Variants in CRYBG3 observed in about 807,000 individuals in gnomAD.
CRYBG3 encodes crystallin beta-gamma domain containing 3.
In CRYBG3, 127 loss-of-function variants were observed where a neutral mutation model predicts 244.2. That is an observed-to-expected ratio of 0.52 (90% CI 0.45 to 0.60). CRYBG3 has a LOEUF of 0.60. Ranked by LOEUF, CRYBG3 falls within the 20% of genes least tolerant of loss-of-function variation. CRYBG3 has a pLI of 0.00. For synonymous variants in CRYBG3, 1,132 were observed against 1,195.8 expected (o/e 0.95, Z 1.10); for missense variants, 3,325 against 3,442.5 (o/e 0.97, Z 0.85).
At chr3:97,828,553 G>T (rs1346187135) in intron 1 of CRYBG3, among the ~76,000 whole-genome samples, 1 of 149,886 alleles carries the variant, frequency 6.7e-6, no homozygotes, top group Non-Finnish European at 1.5e-5. Flanking sequence ...AAAGCCGGGC[G>T]TGGTGGCTCA....
chr3:97,872,844 T>C lies in CRYBG3; in HGVS notation c.1650T>C (p.Asp550=), dbSNP rs750946925. Residue 550 remains aspartate, a synonymous_variant, in exon 4 of 22, where the codon GAT becomes GAC. Transcript: ENST00000389622. ...IASSHVKAPE[D]KIESLPKDTD... ...CAAGTCATGTAAAAGCTCCAGAAGA[T>C]AAAATTGAGTCATTACCCAAAGATA... The C allele has an allele frequency of 2.7e-5, 41 of 1,535,808 alleles. No homozygotes were observed. The South Asian group carries it at 4.6e-4, about 17-fold the overall frequency.
intron 8 of CRYBG3, among the ~76,000 whole-genome samples, chr3:97,887,480 G>A (rs2039522559): frequency 6.6e-6 from 1 of 152,174 alleles, no homozygotes; most frequent in South Asian, 2.1e-4. Context: ...GGCCATGTGT[G>A]GTGGCTCACG....
chr3:97,893,335 TACTTG>T (rs1235089504), intron 11 of CRYBG3, among the ~76,000 whole-genome samples: 1 of 152,260 alleles, frequency 6.6e-6, no homozygotes, highest in East Asian at 1.9e-4. Flanking sequence ...TTGTTGATCA[TACTTG>T]ACTTATGTAC....
chr3:97,841,218 G>A (rs896578848), intron 1 of CRYBG3, among the ~76,000 whole-genome samples: 1 of 147,492 alleles, frequency 6.8e-6, no homozygotes, highest in African/African-American at 2.6e-5. Context: ...ATGTATATAT[G>A]TATATGTATA....
rs774049289 is a variant in CRYBG3, at chr3:97,915,642, T to C, written c.8147T>C (p.Val2716Ala). 11 of 1,612,358 alleles carry C rather than the reference T, an allele frequency of 6.8e-6. No homozygotes were observed. The South Asian group carries it at 9.9e-5, about 15-fold the overall frequency. ...CTCTATTACCAAGAAGACATGTTTG[T>C]TAATCACTGTGTGTTAGAAGAAGGC... ...WLLYYQEDMF[V>A]NHCVLEEGLY... Residue 2716 changes from valine (V) to alanine (A), a missense_variant, in exon 17 of 22, where the codon GTT becomes GCT. Transcript: ENST00000389622.
chr3:97,822,315 G>A lies in CRYBG3; in HGVS notation c.109G>A (p.Gly37Arg). The change falls in exon 1 of 22, where the codon GGG becomes AGG. Residue 37 changes from glycine (G) to arginine (R), a missense_variant. By Grantham distance (125) the Gly-to-Arg change is moderately radical. Around this residue, in one of 4 missense-constraint regions of CRYBG3, gnomAD observed 1,526 missense variants for 1,443.2 expected, o/e 1.06. Coordinates refer to ENST00000389622, the MANE Select transcript of CRYBG3 (RefSeq NM_153605.4). Reference sequence around the variant, plus strand: ...GGAAGAGGAAGAGGAGGAGAGGCCGGGGACGAGCCCGCCTCCAGCTCCAGG... The same window carrying A: ...GGAAGAGGAAGAGGAGGAGAGGCCGAGGACGAGCCCGCCTCCAGCTCCAGG... ...DKEEEEEERP[G>R]TSPPPAPGRS... is the part of the protein sequence containing the mutation. 1 of 1,518,718 alleles carries A rather than the reference G, an allele frequency of 6.6e-7. No individual in the cohort carries two copies. Among genetic ancestry groups the A allele is most frequent in the Non-Finnish European group, 8.8e-7 (1 of 1,138,806 alleles). 94.1% of individuals were successfully genotyped at this position (1,518,718 alleles called of 1,614,324 possible).
intron 15 of CRYBG3, among the ~76,000 whole-genome samples, chr3:97,907,010 G>T (rs1268750819): frequency 1.3e-5 from 2 of 151,606 alleles, no homozygotes; most frequent in Non-Finnish European, 2.9e-5. Context: ...TAATCATGTG[G>T]TTTTTGTCTT....
chr3:97,822,153 C>A lies in CRYBG3; in HGVS notation c.-54C>A. 3 of 1,388,234 alleles carry A rather than the reference C, an allele frequency of 2.2e-6. No homozygotes were observed. The highest frequency in any genetic ancestry group is 1.9e-6 in the Non-Finnish European group (2 of 1,069,336). The allele number at this position is 1,388,234 out of a possible 1,614,324, so 86.0% of individuals were successfully genotyped here. A position where few individuals can be genotyped will look rare whatever the true frequency, so the allele number is the denominator to read the frequency against. ...GCCCGGTCGGGCTCCGGGCACCAGG[C>A]AACACCTAGGCCGTTCCCTTCAGAC... is the stretch of plus-strand genomic sequence containing the variant. On this transcript the variant is annotated 5_prime_UTR_variant, in exon 1 of 22. Coordinates refer to ENST00000389622, the MANE Select transcript of CRYBG3 (RefSeq NM_153605.4).
rs539655714 is a variant in CRYBG3 at position 97,875,522 on chromosome 3, A to C, written c.4328A>C (p.His1443Pro). ...HKRLDDRVKT[H>P]LFRSEDCNET... ...CGGTTAGATGATAGGGTAAAAACAC[A>C]TTTATTTCGCAGTGAGGACTGTAAT... Residue 1443 changes from histidine to proline, a missense_variant, in exon 4 of 22, where the codon CAT becomes CCT. Transcript: ENST00000389622. 7.9e-7 allele frequency: 1 copy of C among 1,267,112 alleles called. No homozygotes were observed. The highest frequency in any genetic ancestry group is 1.5e-5 in the African/African-American group (1 of 64,868). The allele number at this position is 1,267,112 out of a possible 1,614,324, so 78.5% of individuals were successfully genotyped here. A position where few individuals can be genotyped will look rare whatever the true frequency, so the allele number is the denominator to read the frequency against.
At chr3:97,871,505 C>G (rs1051647796) in intron 3 of CRYBG3, among the ~76,000 whole-genome samples, 1 of 152,074 alleles carries the variant, frequency 6.6e-6, no homozygotes, top group African/African-American at 2.4e-5. Context: ...AAGCTGGTTA[C>G]TTAGAGTCAG....
At chr3:97,836,086 T>A (rs1446456290) in intron 1 of CRYBG3, among the ~76,000 whole-genome samples, 2 of 151,866 alleles carry the variant, frequency 1.3e-5, no homozygotes, top group African/African-American at 4.8e-5. Flanking sequence ...GGGGCGTGAG[T>A]TGGGGAACAG....
chr3:97,868,091 G>A (rs2039257039), intron 3 of CRYBG3, among the ~76,000 whole-genome samples: 1 of 152,062 alleles, frequency 6.6e-6, no homozygotes, highest in South Asian at 2.1e-4. Context: ...AGACCATCCT[G>A]GCTAACACGG....
intron 17 of CRYBG3, among the ~76,000 whole-genome samples, chr3:97,918,177 C>T (rs1169639565): frequency 1.3e-5 from 2 of 152,092 alleles, no homozygotes; most frequent in Non-Finnish European, 2.9e-5. Context: ...GTTGGTATTC[C>T]CAGACATGCT....
At chr3:97,910,425 G>A (rs2039855776) in intron 15 of CRYBG3, among the ~76,000 whole-genome samples, 1 of 152,220 alleles carries the variant, frequency 6.6e-6, no homozygotes, top group African/African-American at 2.4e-5. Flanking sequence ...GACCCTCCGA[G>A]CCAGGTGCAG....
In CRYBG3 at chr3:97,876,618, G is replaced by A; in HGVS notation, c.5424G>A (p.Val1808=). 2.4e-6 allele frequency: 3 copies of A among 1,234,352 alleles called. No homozygotes were observed. Among genetic ancestry groups the A allele is most frequent in the Non-Finnish European group, 3.0e-6 (3 of 989,474 alleles). The allele number at this position is 1,234,352 out of a possible 1,614,324, so 76.5% of individuals were successfully genotyped here. A position where few individuals can be genotyped will look rare whatever the true frequency, so the allele number is the denominator to read the frequency against. Residue 1808 remains valine (V), a synonymous_variant, in exon 4 of 22, where the codon GTG becomes GTA. Coordinates refer to ENST00000389622, the MANE Select transcript of CRYBG3 (RefSeq NM_153605.4). ...AAATAGTACCGTGTGTGTTAAAAGTGAAGGAAGCACACGAGACAGCACCTG... is the reference window on the plus strand; with the variant it reads ...AAATAGTACCGTGTGTGTTAAAAGTAAAGGAAGCACACGAGACAGCACCTG... ...NTEIVPCVLK[V]KEAHETAPAP...
intron 17 of CRYBG3, among the ~76,000 whole-genome samples, chr3:97,931,069 A>G (rs2040092184): frequency 1.3e-5 from 2 of 152,024 alleles, no homozygotes; most frequent in South Asian, 4.1e-4. Flanking sequence ...TCCACAAAGC[A>G]TGCTCATAGG....
intron 6 of CRYBG3, among the ~76,000 whole-genome samples, chr3:97,880,818 A>G (rs2039436241): frequency 6.6e-6 from 1 of 152,268 alleles, no homozygotes; most frequent in South Asian, 2.1e-4. Flanking sequence ...ACATAAATAT[A>G]GACATAGAAA....
intron 1 of CRYBG3, among the ~76,000 whole-genome samples, chr3:97,842,679 T>C (rs995126696): frequency 6.6e-6 from 1 of 152,190 alleles, no homozygotes; most frequent in South Asian, 2.1e-4. Context: ...AATCAGATTT[T>C]AAGGTGCCAT....
At position 97,822,097 on chromosome 3, in the gene CRYBG3, G is replaced by A. The variant is rs1225495642; in HGVS notation, c.-110G>A. Reference sequence around the variant, plus strand: ...CTGAGCCGCGCTGGCAGCTCGCGTCGAGTCGGTCTGCCCTAGCCGCATCCC... The same window carrying A: ...CTGAGCCGCGCTGGCAGCTCGCGTCAAGTCGGTCTGCCCTAGCCGCATCCC... On this transcript the variant is annotated 5_prime_UTR_variant, in exon 1 of 22. Transcript: ENST00000389622. 2.2e-6 allele frequency: 2 copies of A among 913,934 alleles called. No individual in the cohort carries two copies. The highest frequency in any genetic ancestry group is 2.9e-6 in the Non-Finnish European group (2 of 683,590). 56.6% of individuals were successfully genotyped at this position (913,934 alleles called of 1,614,324 possible).
Sources: gnomAD v4.1 joint callset for allele counts (sites outside exome capture counted in the v4.1 genomes callset) on GRCh38, gnomAD v4.1.1 for gene constraint, gnomAD v4.1.1 regional missense constraint, MANE v1.5 for transcripts, NCBI Gene and HGNC (gene_info 2026-07-23, HGNC 2026-07-21) for gene names.